The following TCF7L1 variants were observed in gnomAD, a reference collection of about 807,000 sequenced individuals.
TCF7L1 encodes the protein transcription factor 7 like 1.
TCF7L1 carries 18 observed loss-of-function variants against 63.7 expected under a neutral mutation model. The observed-to-expected ratio is 0.28, with a 90% confidence interval of 0.20 to 0.42. TCF7L1 has a LOEUF of 0.42. TCF7L1 is among the 10% of genes least tolerant of loss of function. TCF7L1 has a pLI of 1.00. For missense variants in TCF7L1, 654 were observed against 779.3 expected (o/e 0.84, Z 1.91); for synonymous variants, 355 against 340.9 (o/e 1.04, Z -0.46).
intron 3 of TCF7L1, among the ~76,000 whole-genome samples, chr2:85,209,780 G>A (rs746015700): frequency 6.6e-5 from 10 of 152,132 alleles, no homozygotes; most frequent in Non-Finnish European, 1.0e-4. Flanking sequence ...GAAACCCACC[G>A]AGGCAGCTAT....
In TCF7L1 at chr2:85,179,000, G is replaced by A. The variant is rs547396609; in HGVS notation, c.441+44550G>A. Reference sequence around the variant, plus strand: ...GAGGAGAGAAAGTAACTACCCACCCGTCAGAGCCTGGGGCTGATAAGGGAG... The same window carrying A: ...GAGGAGAGAAAGTAACTACCCACCCATCAGAGCCTGGGGCTGATAAGGGAG... On this transcript the variant is annotated intron_variant, in intron 3 of 11. Coordinates refer to ENST00000282111, the MANE Select transcript of TCF7L1 (RefSeq NM_031283.3). Among the ~76,000 whole-genome samples, 330 of 152,294 alleles carry A rather than the reference G, an allele frequency of 2.2e-3. 7 individuals carry two copies. In the South Asian group the frequency reaches 0.063, roughly 29 times the overall value.
intron 3 of TCF7L1, among the ~76,000 whole-genome samples, chr2:85,207,254 A>G (rs1679427775): frequency 6.6e-6 from 1 of 152,190 alleles, no homozygotes; most frequent in South Asian, 2.1e-4. Flanking sequence ...CCTACCATGC[A>G]CACAAAGCAG....
chr2:85,289,830 C>G (rs931426794), intron 4 of TCF7L1, among the ~76,000 whole-genome samples: 1 of 151,950 alleles, frequency 6.6e-6, no homozygotes, highest in African/African-American at 2.4e-5. Flanking sequence ...CACCACCACG[C>G]CCAGCTAATT....
intron 3 of TCF7L1, among the ~76,000 whole-genome samples, chr2:85,177,606 G>A (rs1047992784): frequency 9.9e-5 from 15 of 152,146 alleles, no homozygotes; most frequent in East Asian, 1.9e-4. Flanking sequence ...TCGGGAGTCC[G>A]AGGCAGTAGG....
At position 85,194,296 on chromosome 2, in the gene TCF7L1, A is replaced by G. The variant is rs769366131; in HGVS notation, c.441+59846A>G. On this transcript the variant is annotated intron_variant, in intron 3 of 11. Coordinates refer to ENST00000282111, the MANE Select transcript of TCF7L1 (RefSeq NM_031283.3). ...TAATCCCAGCACTTTGGGGAGGCCA[A>G]GGCGGGTGGATTACTTGAGGCCAGG... Among the ~76,000 whole-genome samples, 136 of 152,270 alleles carry G rather than the reference A, an allele frequency of 8.9e-4. 1 individual carries two copies. The highest frequency in any genetic ancestry group is 9.7e-4 in the Non-Finnish European group (66 of 68,018).
At chr2:85,207,532 C>G (rs1207857001) in intron 3 of TCF7L1, among the ~76,000 whole-genome samples, 1 of 151,944 alleles carries the variant, frequency 6.6e-6, no homozygotes, top group Non-Finnish European at 1.5e-5. Flanking sequence ...TCTCTTCACC[C>G]ATTTATAAAA....
intron 3 of TCF7L1, chr2:85,187,051 C>T (rs1377074062): frequency 1.3e-5 from 2 of 152,182 alleles, no homozygotes; most frequent in African/African-American, 2.4e-5. Flanking sequence ...AGATGCAGCA[C>T]CAGATACACA....
chr2:85,185,806 G>C (rs1263489948), intron 3 of TCF7L1, among the ~76,000 whole-genome samples: 1 of 152,066 alleles, frequency 6.6e-6, no homozygotes, highest in Admixed American at 6.5e-5. Flanking sequence ...GGTCAGAACT[G>C]GGAGGGCCCT....
intron 3 of TCF7L1, among the ~76,000 whole-genome samples, chr2:85,241,385 GAA>G (rs1331940108): frequency 1.3e-5 from 2 of 150,898 alleles, no homozygotes; most frequent in Non-Finnish European, 2.9e-5. Context: ...GAACAGCAGG[GAA>G]GAGCCTCTTT....
intron 3 of TCF7L1, among the ~76,000 whole-genome samples, chr2:85,248,012 TTC>T (rs1191711937): frequency 6.6e-6 from 1 of 152,178 alleles, no homozygotes; most frequent in Non-Finnish European, 1.5e-5. Flanking sequence ...TAGTGTTCGG[TTC>T]TGTTAGCTCC....
chr2:85,133,956 C>A lies in TCF7L1; in HGVS notation c.249+23C>A. On this transcript the variant is annotated intron_variant, in intron 1 of 11. Transcript: ENST00000282111. This position sits in a 1 kb window ranked among gnomAD's most constrained non-coding sequence, Gnocchi z 4.4. ...GAGGTAAGGAAGCACCGCGGCCACC[C>A]CCGGGGGATCCCGGCCCTGCGTCCG... 6.4e-7 allele frequency: 1 copy of A among 1,570,526 alleles called. No individual in the cohort carries two copies. The highest frequency in any genetic ancestry group is 2.3e-5 in the East Asian group (1 of 42,628).
chr2:85,150,468 G>A (rs968324894), intron 3 of TCF7L1, among the ~76,000 whole-genome samples: 4 of 152,040 alleles, frequency 2.6e-5, no homozygotes, highest in Non-Finnish European at 4.4e-5. Flanking sequence ...TCCTGACCTC[G>A]TGATCCACCC....
intron 3 of TCF7L1, among the ~76,000 whole-genome samples, chr2:85,270,371 G>A (rs1681121396): frequency 6.6e-6 from 1 of 152,160 alleles, no homozygotes; most frequent in South Asian, 2.1e-4. Context: ...CTTCACCTCT[G>A]TCTAGGAGCT....
rs966845314 is a variant in TCF7L1 at position 85,258,183 on chromosome 2, G to C, written c.442-25312G>C. ...ACGACACAGTGTGCCTCACAGTCCA[G>C]TGAGCCAAATCCTTGCCTGTGCACA... On this transcript the variant is annotated intron_variant, in intron 3 of 11. Transcript: ENST00000282111. Among the ~76,000 whole-genome samples, 5 of 152,170 alleles carry C rather than the reference G, an allele frequency of 3.3e-5. 1 individual carries two copies. Among genetic ancestry groups the C allele is most frequent in the Admixed American group, 3.3e-4 (5 of 15,278 alleles).
intron 3 of TCF7L1, among the ~76,000 whole-genome samples, chr2:85,218,476 G>A (rs947577596): frequency 5.3e-5 from 8 of 152,120 alleles, no homozygotes; most frequent in African/African-American, 1.9e-4. Context: ...GGTTGGTCTT[G>A]AACTCCTAGG....
intron 3 of TCF7L1, among the ~76,000 whole-genome samples, chr2:85,277,580 G>A (rs1295447110): frequency 6.6e-6 from 1 of 152,112 alleles, no homozygotes; most frequent in Non-Finnish European, 1.5e-5. Flanking sequence ...ACCAAAACTG[G>A]GACCCTTTGT....
chr2:85,221,032 A>G (rs1376456816), intron 3 of TCF7L1, among the ~76,000 whole-genome samples: 2 of 152,238 alleles, frequency 1.3e-5, no homozygotes, highest in African/African-American at 4.8e-5. Flanking sequence ...TAGAGACCCA[A>G]GTCTATTGTT....
chr2:85,156,986 A>G (rs926170839), intron 3 of TCF7L1, among the ~76,000 whole-genome samples: 3 of 152,226 alleles, frequency 2.0e-5, no homozygotes, highest in East Asian at 1.9e-4. Context: ...CCATCTTACA[A>G]TGCATAGGAT....
intron 3 of TCF7L1, among the ~76,000 whole-genome samples, chr2:85,247,538 T>G (rs1248802332): frequency 6.6e-6 from 1 of 152,214 alleles, no homozygotes; most frequent in Non-Finnish European, 1.5e-5. Flanking sequence ...TTGCAAAACT[T>G]AAACAAATGG....
Sources: gnomAD v4.1 joint callset for allele counts (sites outside exome capture counted in the v4.1 genomes callset) on GRCh38, gnomAD v4.1.1 for gene constraint, Gnocchi (gnomAD v3.1) non-coding constraint, MANE v1.5 for transcripts, NCBI Gene and HGNC (gene_info 2026-07-23, HGNC 2026-07-21) for gene names.